Variants in GLIPR1L2 observed in about 807,000 individuals in gnomAD.
The protein encoded by GLIPR1L2 is GLIPR1 like 2, also known as GLIPR1-like protein 2.
GLIPR1L2 carries 21 observed loss-of-function variants against 28.4 expected under a neutral mutation model. The observed-to-expected ratio is 0.74, with a 90% CI of 0.52 to 1.06. The LOEUF (loss-of-function observed/expected upper bound fraction) is 1.06, where lower values mean the gene tolerates loss of function less well. GLIPR1L2 is among the 50% of genes least tolerant of loss of function. The pLI is 0.00. For missense variants in GLIPR1L2, 476 were observed against 416.9 expected, an observed-to-expected ratio of 1.14 and a Z score of -1.23; for synonymous variants, 145 against 139.3, an observed-to-expected ratio of 1.04 and a Z score of -0.29.
At chr12:75,410,334 A>C (rs1424403029) in intron 1 of GLIPR1L2, 100 bp from the exon 2 acceptor site, 1 of 1,132,238 alleles carries the variant, frequency 8.8e-7, no homozygotes, top group Non-Finnish European at 1.2e-6. Flanking sequence ...GTACAAAGTT[A>C]GAATTGTTTC....
intron 4 of GLIPR1L2, chr12:75,423,849 A>G (rs1002634257): frequency 1.3e-5 from 2 of 152,220 alleles, no homozygotes; most frequent in Admixed American, 1.3e-4. Flanking sequence ...TAGTTTGCTG[A>G]GAATGATGGT....
chr12:75,414,918 C>T (rs2045909351), intron 3 of GLIPR1L2, among the ~76,000 whole-genome samples: 1 of 151,970 alleles, frequency 6.6e-6, no homozygotes, highest in Non-Finnish European at 1.5e-5. Flanking sequence ...TAAGTGAACA[C>T]ATAGATAAAT....
chr12:75,400,537 T>C lies in GLIPR1L2; in HGVS notation c.234+9187T>C, dbSNP rs535385339. ...TAATGTATATTTGAATAGAAAATAGTGGACAGATCCACGGAATTAATTAGT... is the reference window on the plus strand; with the variant it reads ...TAATGTATATTTGAATAGAAAATAGCGGACAGATCCACGGAATTAATTAGT... On this transcript the variant is annotated intron_variant, in intron 1 of 5. Coordinates refer to ENST00000550916, the MANE Select transcript of GLIPR1L2 (RefSeq NM_001270396.2). Among the ~76,000 whole-genome samples, 5 of 152,302 alleles carry C rather than the reference T, an allele frequency of 3.3e-5. No homozygotes were observed. In the South Asian group the frequency reaches 1.0e-3, roughly 32 times the overall value.
In GLIPR1L2 at chr12:75,413,595, T is replaced by C. The variant is rs757492523; in HGVS notation, c.481-3T>C. 12 of 1,523,774 alleles carry C rather than the reference T, an allele frequency of 7.9e-6. No individual in the cohort carries two copies. Among genetic ancestry groups the C allele is most frequent in the Non-Finnish European group, 9.7e-6 (11 of 1,132,062 alleles). 94.4% of individuals were successfully genotyped at this position (1,523,774 alleles called of 1,614,324 possible). ...TGTGTCTTTCTTGAAAATTTTATTT[T>C]AGCTTGTTTGGGACCACTCTTACAA... On this transcript the variant is annotated splice_polypyrimidine_tract_variant and splice_region_variant and intron_variant, in intron 2 of 5. Coordinates refer to ENST00000550916, the MANE Select transcript of GLIPR1L2 (RefSeq NM_001270396.2).
chr12:75,396,049 A>T (rs1166420498), intron 1 of GLIPR1L2, among the ~76,000 whole-genome samples: 2 of 152,116 alleles, frequency 1.3e-5, no homozygotes, highest in African/African-American at 2.4e-5. Flanking sequence ...TTTTTGCTAA[A>T]TTCCATAAGT....
Position 75,423,404 on chromosome 12 carries a change from A to G in GLIPR1L2, c.670+415A>G, listed in dbSNP as rs568781387. The G allele has an allele frequency of 8.3e-6, 8 of 968,970 alleles. No individual in the cohort carries two copies. In the South Asian group the frequency reaches 3.9e-4, roughly 47 times the overall value. The allele number at this position is 968,970 out of a possible 1,614,324, so 60.0% of individuals were successfully genotyped here. A position where few individuals can be genotyped will look rare whatever the true frequency, so the allele number is the denominator to read the frequency against. On this transcript the variant is annotated intron_variant, in intron 4 of 5. Transcript: ENST00000550916. ...TCCTCCAAAAAGCTGAAATCTCCAA[A>G]TATTTCAAAAGTAAAAAGTAGAAAA... is the stretch of plus-strand genomic sequence containing the variant.
intron 1 of GLIPR1L2, among the ~76,000 whole-genome samples, chr12:75,395,364 A>AT (rs1317385054): frequency 6.6e-6 from 1 of 151,898 alleles, no homozygotes; most frequent in Non-Finnish European, 1.5e-5. Context: ...TTTGTTGAAG[A>AT]TTTTTATATT....
At chr12:75,396,919 G>A (rs575167461) in intron 1 of GLIPR1L2, among the ~76,000 whole-genome samples, 2 of 152,224 alleles carry the variant, frequency 1.3e-5, no homozygotes, top group Admixed American at 6.5e-5. Flanking sequence ...CCCCATACTA[G>A]TACTAAGCAT....
chr12:75,399,456 G>T lies in GLIPR1L2; in HGVS notation c.234+8106G>T, dbSNP rs150220133. Among the ~76,000 whole-genome samples the T allele has an allele frequency of 2.3e-3, 351 of 152,228 alleles. 2 individuals are homozygous for T. The highest frequency in any genetic ancestry group is 3.1e-3 in the Non-Finnish European group (214 of 67,994). On this transcript the variant is annotated intron_variant, in intron 1 of 5. Transcript: ENST00000550916. The stretch of plus-strand genomic sequence containing the variant: ...CAGACAAGACAACAAAACTATTGTT[G>T]AACTTTGGAGTTTTACTAGCCTGAT...
intron 1 of GLIPR1L2, among the ~76,000 whole-genome samples, chr12:75,403,754 TTC>T (rs1211731737): frequency 3.9e-5 from 6 of 152,116 alleles, no homozygotes; most frequent in African/African-American, 1.4e-4. Flanking sequence ...TCCTTCATCC[TTC>T]TGTTCACACC....
intron 4 of GLIPR1L2, among the ~76,000 whole-genome samples, chr12:75,427,078 T>G (rs796628050): frequency 2.0e-5 from 3 of 152,110 alleles, no homozygotes; most frequent in African/African-American, 7.2e-5. Context: ...AATGATACAA[T>G]TAATAAAACT....
intron 1 of GLIPR1L2, among the ~76,000 whole-genome samples, chr12:75,399,318 A>G (rs919898409): frequency 1.8e-4 from 27 of 152,112 alleles, no homozygotes; most frequent in Admixed American, 1.7e-3. Flanking sequence ...TCTGTGAGCT[A>G]TAGATAGACT....
rs148280006 is a variant in GLIPR1L2, at chr12:75,411,290, G to A, written c.480+611G>A. Among the ~76,000 whole-genome samples the A allele has an allele frequency of 2.7e-3, 408 of 151,822 alleles. 2 individuals are homozygous for A. Among genetic ancestry groups the A allele is most frequent in the African/African-American group, 9.4e-3 (390 of 41,466 alleles). ...CCATATATTCTCAACATAACAACAC[G>A]ACGTTATTTAGGTCTGCAATAAATA... On this transcript the variant is annotated intron_variant, in intron 2 of 5. Coordinates refer to ENST00000550916, the MANE Select transcript of GLIPR1L2 (RefSeq NM_001270396.2).
At chr12:75,420,312 G>C (rs2045964262) in intron 3 of GLIPR1L2, among the ~76,000 whole-genome samples, 1 of 152,178 alleles carries the variant, frequency 6.6e-6, no homozygotes, top group Non-Finnish European at 1.5e-5. Context: ...GTCTAGTGTA[G>C]GCAAAGAAAG....
Position 75,402,739 on chromosome 12 carries a change from C to T in GLIPR1L2, c.235-7695C>T, listed in dbSNP as rs74865917. 5.1e-4 allele frequency among the ~76,000 whole-genome samples: 78 copies of T among 152,290 alleles called. No individual in the cohort carries two copies. In the East Asian group the frequency reaches 0.014, roughly 26 times the overall value. ...AGCCCAGTTTAGACAGCATCTGTTGCCCTTGATGTCTAATCACTCTGGCCT... is the reference window on the plus strand; with the variant it reads ...AGCCCAGTTTAGACAGCATCTGTTGTCCTTGATGTCTAATCACTCTGGCCT... On this transcript the variant is annotated intron_variant, in intron 1 of 5. Coordinates refer to ENST00000550916, the MANE Select transcript of GLIPR1L2 (RefSeq NM_001270396.2).
At chr12:75,414,296 T>C (rs564544338) in intron 3 of GLIPR1L2, among the ~76,000 whole-genome samples, 1 of 152,142 alleles carries the variant, frequency 6.6e-6, no homozygotes, top group African/African-American at 2.4e-5. Context: ...GAGAGCTCTT[T>C]TGGAAAGTTC....
intron 1 of GLIPR1L2, among the ~76,000 whole-genome samples, chr12:75,397,670 T>TGTAA (rs564247590): frequency 3.2e-4 from 48 of 152,330 alleles, no homozygotes; most frequent in African/African-American, 1.1e-3. Flanking sequence ...ATATAGGCAA[T>TGTAA]GTAAGTATAG....
intron 3 of GLIPR1L2, among the ~76,000 whole-genome samples, chr12:75,415,639 G>C (rs1279504357): frequency 6.6e-6 from 1 of 152,074 alleles, no homozygotes; most frequent in African/African-American, 2.4e-5. Flanking sequence ...CTGCTTCCAA[G>C]CTCATTCAGG....
intron 1 of GLIPR1L2, among the ~76,000 whole-genome samples, chr12:75,407,108 C>A (rs1475456200): frequency 2.6e-5 from 4 of 152,044 alleles, no homozygotes; most frequent in African/African-American, 9.7e-5. Flanking sequence ...GCAAGAACCC[C>A]CTCAAACTTG....
Sources: allele counts gnomAD v4.1 joint callset (sites outside exome capture counted in the v4.1 genomes callset), GRCh38; gene constraint gnomAD v4.1.1; transcripts MANE v1.5; gene names NCBI Gene and HGNC (gene_info 2026-07-23, HGNC 2026-07-21).